The following MYO16 variants were observed in gnomAD, a reference collection of about 807,000 sequenced individuals.
The protein encoded by MYO16 is myosin XVI.
Under a neutral mutation model 205.3 loss-of-function variants are expected in MYO16, and 94 were observed. That is an observed-to-expected ratio of 0.46 (90% confidence interval 0.39 to 0.54). The LOEUF (loss-of-function observed/expected upper bound fraction) is 0.54, where lower values mean the gene tolerates loss of function less well. MYO16 is among the 20% of genes least tolerant of loss of function. MYO16 has a pLI of 0.00. For missense variants in MYO16, 2,315 were observed against 2,387.5 expected (o/e 0.97, Z 0.63); for synonymous variants, 988 against 954.0 (o/e 1.04, Z -0.66).
At chr13:109,004,806 C>T (rs993346449) in intron 21 of MYO16, among the ~76,000 whole-genome samples, 1 of 152,164 alleles carries the variant, frequency 6.6e-6, no homozygotes, top group African/African-American at 2.4e-5. Flanking sequence ...CTGAATGCCA[C>T]TCCTCCCTCT....
intron 4 of MYO16, among the ~76,000 whole-genome samples, chr13:108,772,935 A>G (rs1414028587): frequency 6.6e-6 from 1 of 152,182 alleles, no homozygotes; most frequent in Non-Finnish European, 1.5e-5. Flanking sequence ...ATAACAAAAC[A>G]CTATAAACTG....
At chr13:109,076,628 C>T (rs1003811681) in intron 27 of MYO16, among the ~76,000 whole-genome samples, 4 of 152,234 alleles carry the variant, frequency 2.6e-5, no homozygotes, top group Non-Finnish European at 2.9e-5. Context: ...TAGCAGAGGG[C>T]CCAGAGACAC....
At chr13:108,495,976 G>A in the MYO16 span, among the ~76,000 whole-genome samples, 1 of 152,156 alleles carries the variant, frequency 6.6e-6, no homozygotes, top group African/African-American at 2.4e-5. Context: ...GGAACGCGGC[G>A]GGGCAGCCTC....
At chr13:108,709,126 T>C (rs1883626755) in intron 2 of MYO16, among the ~76,000 whole-genome samples, 1 of 152,162 alleles carries the variant, frequency 6.6e-6, no homozygotes, top group Non-Finnish European at 1.5e-5. Flanking sequence ...CGTTATTCTA[T>C]TTGGTCCCCA....
chr13:109,172,069 A>G (rs1204512848), intron 33 of MYO16, among the ~76,000 whole-genome samples: 2 of 152,184 alleles, frequency 1.3e-5, no homozygotes, highest in Non-Finnish European at 2.9e-5. Flanking sequence ...AAACCACACC[A>G]GTTCTGGGAA....
the MYO16 span, among the ~76,000 whole-genome samples, chr13:108,548,889 C>A: frequency 6.6e-6 from 1 of 152,108 alleles, no homozygotes; most frequent in Non-Finnish European, 1.5e-5. Context: ...AGACATTTCT[C>A]CTTGTGCACA....
chr13:108,958,097 C>T (rs558827805), intron 17 of MYO16, among the ~76,000 whole-genome samples: 12 of 149,510 alleles, frequency 8.0e-5, no homozygotes, highest in Admixed American at 2.7e-4. Context: ...ACAAGGAGCC[C>T]TTTCCCAAAA....
intron 27 of MYO16, among the ~76,000 whole-genome samples, chr13:109,078,935 G>A (rs1304122255): frequency 1.3e-5 from 2 of 152,096 alleles, no homozygotes; most frequent in Admixed American, 6.6e-5. Context: ...TGGGACTTAG[G>A]TAGTCTATTC....
chr13:108,549,607 C>T, the MYO16 span, among the ~76,000 whole-genome samples: 77 of 151,856 alleles, frequency 5.1e-4, no homozygotes, highest in Non-Finnish European at 8.2e-4. Flanking sequence ...TAGAATGAAG[C>T]TTATTAGATT....
intron 1 of MYO16, among the ~76,000 whole-genome samples, chr13:108,611,997 A>T (rs1278043467): frequency 9.0e-6 from 1 of 111,486 alleles, no homozygotes; most frequent in African/African-American, 3.6e-5. Flanking sequence ...TTTTTTTGAG[A>T]CGGAGTCTCG....
chr13:108,799,135 T>A (rs1194042456), intron 6 of MYO16, among the ~76,000 whole-genome samples: 1 of 152,270 alleles, frequency 6.6e-6, no homozygotes, highest in African/African-American at 2.4e-5. Flanking sequence ...AGACAGCCAT[T>A]GATTTTATGG....
At chr13:108,535,068 CTCT>C in the MYO16 span, among the ~76,000 whole-genome samples, 3 of 146,234 alleles carry the variant, frequency 2.1e-5, no homozygotes, top group Non-Finnish European at 3.0e-5. Context: ...GTTCTTCTTC[CTCT>C]TCTTCTTCCC....
intron 11 of MYO16, among the ~76,000 whole-genome samples, chr13:108,865,278 A>T (rs543269260): frequency 9.8e-4 from 149 of 152,034 alleles, no homozygotes; most frequent in Non-Finnish European, 1.6e-3. Flanking sequence ...TTCCACTATA[A>T]TTGTGAACTC....
intron 4 of MYO16, among the ~76,000 whole-genome samples, chr13:108,777,380 G>T (rs941223730): frequency 6.6e-6 from 1 of 152,158 alleles, no homozygotes; most frequent in Non-Finnish European, 1.5e-5. Flanking sequence ...TAAAGATAAT[G>T]CTGAAAACTA....
chr13:108,672,056 C>A (rs1882010972), intron 2 of MYO16, among the ~76,000 whole-genome samples: 1 of 152,128 alleles, frequency 6.6e-6, no homozygotes. Context: ...TTGAGTTTCT[C>A]ATCTACCTTG....
chr13:108,753,965 G>A (rs944054755), intron 4 of MYO16, among the ~76,000 whole-genome samples: 9 of 152,160 alleles, frequency 5.9e-5, no homozygotes, highest in African/African-American at 1.7e-4. Flanking sequence ...ACCTTATCAC[G>A]TCACCTGCAT....
intron 1 of MYO16, among the ~76,000 whole-genome samples, chr13:108,652,129 G>A (rs1195451418): frequency 1.3e-5 from 2 of 152,060 alleles, no homozygotes; most frequent in Admixed American, 6.6e-5. Context: ...GTTGTTAGGA[G>A]CACAGATACC....
chr13:108,992,337 A>G (rs773962812), intron 20 of MYO16, 39 bp from the exon 21 acceptor site: 2 of 1,474,598 alleles, frequency 1.4e-6, no homozygotes, highest in Non-Finnish European at 1.9e-6. Flanking sequence ...AAGGAGTTTT[A>G]AGGATGCCCA....
At chr13:109,013,351 T>C (rs1885682866) in intron 22 of MYO16, among the ~76,000 whole-genome samples, 1 of 152,164 alleles carries the variant, frequency 6.6e-6, no homozygotes, top group African/African-American at 2.4e-5. Flanking sequence ...CACATTTTCT[T>C]AATCCAGTCT....
Sources: gnomAD v4.1 joint callset for allele counts (sites outside exome capture counted in the v4.1 genomes callset) on GRCh38, gnomAD v4.1.1 for gene constraint, MANE v1.5 for transcripts, NCBI Gene and HGNC (gene_info 2026-07-23, HGNC 2026-07-21) for gene names.